The following TMEM97 variants were observed in gnomAD, a reference collection of about 807,000 sequenced individuals.
TMEM97 encodes sigma intracellular receptor 2.
TMEM97 carries 13 observed loss-of-function variants against 18.3 expected under a neutral mutation model. That is an observed-to-expected ratio of 0.71 (90% CI 0.46 to 1.13). TMEM97 has a LOEUF of 1.13. TMEM97 is among the 50% of genes most tolerant of loss of function. TMEM97 has a pLI of 0.00. For missense variants in TMEM97, 205 were observed against 210.5 expected, an observed-to-expected ratio of 0.97 and a Z score of 0.16; for synonymous variants, 76 against 85.3, an observed-to-expected ratio of 0.89 and a Z score of 0.60.
Position 28,326,970 on chromosome 17 carries a change from T to A in TMEM97, c.*177T>A. The A allele has an allele frequency of 1.2e-6, 1 of 823,258 alleles. No individual in the cohort carries two copies. Among genetic ancestry groups the A allele is most frequent in the Non-Finnish European group, 1.8e-6 (1 of 541,762 alleles). 51.0% of individuals were successfully genotyped at this position (823,258 alleles called of 1,614,324 possible). The stretch of plus-strand genomic sequence containing the variant: ...CAAACCCTCACCTTCTTCCATTTTT[T>A]TTTTTTTTTTAAGACAGTCTCACTC... On this transcript the variant is annotated 3_prime_UTR_variant, in exon 3 of 3. Transcript: ENST00000226230.
chr17:28,320,010 A>T (rs1165744185), intron 1 of TMEM97, among the ~76,000 whole-genome samples: 7 of 152,100 alleles, frequency 4.6e-5, no homozygotes, highest in African/African-American at 1.7e-4. Flanking sequence ...CATTCTTTCA[A>T]CCCCAAACTC....
rs1906476497 is a variant in TMEM97, at chr17:28,328,500, TGTA to T, written c.*1710_*1712del. ...ATGTTAAAACTGGCTCCCCCAGACT[TGTA>T]GTGCTGTCTTCAGGGGGCTGCATTC... On this transcript the variant is annotated 3_prime_UTR_variant, in exon 3 of 3. Transcript: ENST00000226230. 2 of 652,490 alleles carry T rather than the reference TGTA, an allele frequency of 3.1e-6. No individual in the cohort carries two copies. The highest frequency in any genetic ancestry group is 5.5e-6 in the Non-Finnish European group (2 of 363,290). The allele number at this position is 652,490 out of a possible 1,614,324, so 40.4% of individuals were successfully genotyped here.
At chr17:28,321,800 C>CTGTGTGTGTGTGTGTG (rs538038865) in intron 1 of TMEM97, among the ~76,000 whole-genome samples, 35 of 132,292 alleles carry the variant, frequency 2.6e-4, no homozygotes, top group African/African-American at 7.3e-4. Context: ...TGGCCAGAAC[C>CTGTGTGTGTGTGTGTG]TGTGTGTGTG....
intron 1 of TMEM97, among the ~76,000 whole-genome samples, chr17:28,323,026 A>G (rs1383609462): frequency 6.6e-6 from 1 of 152,244 alleles, no homozygotes; most frequent in Non-Finnish European, 1.5e-5. Context: ...TCTCTTACCA[A>G]TAGTGAAGTA....
At position 28,325,644 on chromosome 17, in the gene TMEM97, A is replaced by G. The variant is rs1555575385; in HGVS notation, c.268A>G (p.Lys90Glu). The G allele has an allele frequency of 1.2e-6, 2 of 1,613,472 alleles. No homozygotes were observed. Among genetic ancestry groups the G allele is most frequent in the East Asian group, 4.5e-5 (2 of 44,896 alleles). Residue 90 changes from lysine to glutamate, a missense_variant, in exon 2 of 3, where the codon AAA (lysine) becomes GAA (glutamate). By Grantham distance (56) the Lys-to-Glu change is moderately conservative. Coordinates refer to ENST00000226230, the MANE Select transcript of TMEM97 (RefSeq NM_014573.3). ...FFPIATYAFL[K>E]GSCKWIRTPA... ...TCCCATTGCAACGTATGCCTTCCTC[A>G]AAGGTTGGTAAATGGTGGGAAAATC... is the stretch of plus-strand genomic sequence containing the variant.
At chr17:28,323,581 T>G (rs2142157043) in intron 1 of TMEM97, among the ~76,000 whole-genome samples, 1 of 152,268 alleles carries the variant, frequency 6.6e-6, no homozygotes, top group South Asian at 2.1e-4. Context: ...GTATTTTTAG[T>G]AGAGACGAGG....
At chr17:28,320,115 C>T (rs1906086679) in intron 1 of TMEM97, among the ~76,000 whole-genome samples, 1 of 152,152 alleles carries the variant, frequency 6.6e-6, no homozygotes, top group Admixed American at 6.5e-5. Flanking sequence ...TGACCTTCTT[C>T]CATGGAATTC....
At chr17:28,325,373 C>G in intron 1 of TMEM97, 130 bp from the exon 2 acceptor site, 4 of 1,185,002 alleles carry the variant, frequency 3.4e-6, no homozygotes, top group Non-Finnish European at 3.5e-6. Flanking sequence ...GCTGGACATG[C>G]CATCTGCTGC....
At chr17:28,320,810 T>C (rs1314925095) in intron 1 of TMEM97, among the ~76,000 whole-genome samples, 1 of 152,196 alleles carries the variant, frequency 6.6e-6, no homozygotes, top group Non-Finnish European at 1.5e-5. Context: ...CAATGTTCCT[T>C]GGCTTGTGTT....
intron 1 of TMEM97, among the ~76,000 whole-genome samples, chr17:28,325,220 G>A (rs570692911): frequency 6.6e-6 from 1 of 152,314 alleles, no homozygotes; most frequent in South Asian, 2.1e-4. Context: ...ACACCTGGAT[G>A]TGTTATCTTG....
At chr17:28,323,415 C>A (rs534993798) in intron 1 of TMEM97, among the ~76,000 whole-genome samples, 6 of 151,652 alleles carry the variant, frequency 4.0e-5, no homozygotes, top group African/African-American at 1.5e-4. Flanking sequence ...GTTCAAATGG[C>A]CAGAATGCCT....
Position 28,326,603 on chromosome 17 carries a change from T to TA in TMEM97, c.342dup (p.Leu115ThrfsTer7). The TA allele has an allele frequency of 6.2e-7, 1 of 1,614,180 alleles. No individual in the cohort carries two copies. The highest frequency in any genetic ancestry group is 8.5e-7 in the Non-Finnish European group (1 of 1,180,020). On this transcript the variant is annotated frameshift_variant, in exon 3 of 3. Coordinates refer to ENST00000226230, the MANE Select transcript of TMEM97 (RefSeq NM_014573.3). LOFTEE classifies it high-confidence loss of function. ...CACACCATGACAACCTTAATTCCGA[T>TA]ACTCTCCACATTTCTGTTTGAGGAT...
rs1555574675 is a variant in TMEM97, at chr17:28,319,348, G to A, written c.109G>A (p.Glu37Lys). 3 of 1,606,448 alleles carry A rather than the reference G, an allele frequency of 1.9e-6. No individual in the cohort carries two copies. The highest frequency in any genetic ancestry group is 2.2e-5 in the South Asian group (2 of 90,632). Residue 37 changes from glutamate (E) to lysine (K), a missense_variant, in exon 1 of 3, where the codon GAG becomes AAG. By Grantham distance (56) the Glu-to-Lys change is moderately conservative (BLOSUM62 1). Coordinates refer to ENST00000226230, the MANE Select transcript of TMEM97 (RefSeq NM_014573.3). ...FMDLQAVLPR[E>K]LYPVEFRNLL... ...GGACCTGCAGGCGGTGCTGCCGCGCGAGCTCTACCCAGTCGAGGTGAGGGG... is the reference window on the plus strand; with the variant it reads ...GGACCTGCAGGCGGTGCTGCCGCGCAAGCTCTACCCAGTCGAGGTGAGGGG...
intron 1 of TMEM97, among the ~76,000 whole-genome samples, chr17:28,321,889 T>C (rs1207112575): frequency 6.6e-6 from 1 of 151,648 alleles, no homozygotes; most frequent in African/African-American, 2.4e-5. Flanking sequence ...GGTGTGTGTG[T>C]ATCTGTGTGT....
intron 1 of TMEM97, chr17:28,319,724 T>TTTTG (rs1391151481): frequency 5.5e-6 from 1 of 183,254 alleles, no homozygotes. Context: ...GCTTCTGGTT[T>TTTTG]TTTGTTTGTT....
chr17:28,323,962 C>T (rs1906243379), intron 1 of TMEM97, among the ~76,000 whole-genome samples: 1 of 152,128 alleles, frequency 6.6e-6, no homozygotes, highest in African/African-American at 2.4e-5. Context: ...CAAATCACCA[C>T]ACTCCACCAG....
intron 1 of TMEM97, among the ~76,000 whole-genome samples, chr17:28,320,823 C>T (rs1046671959): frequency 3.9e-5 from 6 of 152,170 alleles, no homozygotes; most frequent in East Asian, 1.9e-4. Context: ...CTTGTGTTCA[C>T]GTCACTTCAA....
At chr17:28,320,605 C>T (rs1555574828) in intron 1 of TMEM97, among the ~76,000 whole-genome samples, 1 of 152,186 alleles carries the variant, frequency 6.6e-6, no homozygotes, top group South Asian at 2.1e-4. Flanking sequence ...CAAACATATA[C>T]AGGGTGGGTT....
intron 1 of TMEM97, 27 bp downstream of exon 1, chr17:28,319,392 C>G: frequency 7.0e-7 from 1 of 1,420,076 alleles, no homozygotes; most frequent in Non-Finnish European, 9.2e-7. Context: ...TTATCCCGGC[C>G]CGCTGAGGCT....
Sources: gnomAD v4.1 joint callset for allele counts (sites outside exome capture counted in the v4.1 genomes callset) on GRCh38, gnomAD v4.1.1 for gene constraint, MANE v1.5 for transcripts, NCBI Gene and HGNC (gene_info 2026-07-23, HGNC 2026-07-21) for gene names.